The following ZNRF2 variants were observed in gnomAD, a reference collection of about 807,000 sequenced individuals.
The protein encoded by ZNRF2 is E3 ubiquitin-protein ligase ZNRF2.
Under a neutral mutation model 20.4 loss-of-function variants are expected in ZNRF2, and 16 were observed. That is an observed-to-expected ratio of 0.79 (90% CI 0.53 to 1.19). ZNRF2 has a LOEUF of 1.19. ZNRF2 is among the 50% of genes most tolerant of loss of function. ZNRF2 has a pLI of 0.00. For synonymous variants in ZNRF2, 178 were observed against 144.9 expected (o/e 1.23, Z -1.64); for missense variants, 363 against 332.4 (o/e 1.09, Z -0.72).
chr7:30,290,355 G>A (rs1798878595), intron 1 of ZNRF2, among the ~76,000 whole-genome samples: 1 of 152,186 alleles, frequency 6.6e-6, no homozygotes, highest in South Asian at 2.1e-4. Context: ...TGCAATTTCT[G>A]TGGGTCAAGA....
intron 1 of ZNRF2, among the ~76,000 whole-genome samples, chr7:30,302,277 T>C (rs930075860): frequency 1.3e-5 from 2 of 152,256 alleles, no homozygotes; most frequent in East Asian, 1.9e-4. Flanking sequence ...GTATTTTCGC[T>C]GGCTTAAAAT....
chr7:30,294,437 T>C (rs1411369710), intron 1 of ZNRF2, among the ~76,000 whole-genome samples: 1 of 152,210 alleles, frequency 6.6e-6, no homozygotes, highest in Non-Finnish European at 1.5e-5. Context: ...TGTGGCTTTA[T>C]TGTGGTGGTC....
chr7:30,324,937 A>G (rs777861879), intron 2 of ZNRF2, among the ~76,000 whole-genome samples: 10 of 152,196 alleles, frequency 6.6e-5, no homozygotes, highest in Non-Finnish European at 1.3e-4. Context: ...CCAAAACTCT[A>G]CCTATGCAGT....
chr7:30,289,647 T>C, intron 1 of ZNRF2: 1 of 357,220 alleles, frequency 2.8e-6, no homozygotes. Flanking sequence ...TTACATGTTT[T>C]GCTGTGTGTA....
chr7:30,329,355 C>A (rs934798471), intron 2 of ZNRF2, among the ~76,000 whole-genome samples: 1 of 152,048 alleles, frequency 6.6e-6, no homozygotes, highest in Non-Finnish European at 1.5e-5. Context: ...CTATAGTTGT[C>A]CTGTTGTGCT....
intron 2 of ZNRF2, among the ~76,000 whole-genome samples, chr7:30,326,105 A>G (rs1227359421): frequency 6.6e-6 from 1 of 152,156 alleles, no homozygotes; most frequent in Non-Finnish European, 1.5e-5. Flanking sequence ...TATATCTAGA[A>G]TACAGTCTTC....
At chr7:30,304,623 C>T (rs1562606852) in intron 1 of ZNRF2, among the ~76,000 whole-genome samples, 2 of 152,094 alleles carry the variant, frequency 1.3e-5, no homozygotes, top group Non-Finnish European at 2.9e-5. Flanking sequence ...ATAAAACTAC[C>T]GAAAAGTATG....
intron 1 of ZNRF2, among the ~76,000 whole-genome samples, chr7:30,302,156 T>A (rs1188305473): frequency 1.3e-5 from 2 of 152,210 alleles, no homozygotes; most frequent in Non-Finnish European, 2.9e-5. Flanking sequence ...CTCTTACTTT[T>A]TAAAAATTAC....
intron 2 of ZNRF2, among the ~76,000 whole-genome samples, chr7:30,345,167 G>A (rs1405791822): frequency 6.6e-6 from 1 of 151,900 alleles, no homozygotes; most frequent in Non-Finnish European, 1.5e-5. Context: ...CTACAGATAG[G>A]CATTACTGCA....
chr7:30,356,697 GTA>G (rs1314167776), intron 3 of ZNRF2, among the ~76,000 whole-genome samples: 80 of 128,448 alleles, frequency 6.2e-4, no homozygotes, highest in African/African-American at 2.2e-3. Context: ...ATATAACATT[GTA>G]TTTTTTTTTT....
At chr7:30,316,145 G>A (rs1019039428) in intron 1 of ZNRF2, among the ~76,000 whole-genome samples, 2 of 151,464 alleles carry the variant, frequency 1.3e-5, no homozygotes, top group African/African-American at 2.4e-5. Flanking sequence ...AAAATTAGCT[G>A]GGCTTGGTGG....
chr7:30,351,008 T>G (rs1320823157), intron 2 of ZNRF2, among the ~76,000 whole-genome samples: 3 of 150,726 alleles, frequency 2.0e-5, no homozygotes, highest in Non-Finnish European at 4.4e-5. Flanking sequence ...GGTTTTTTGT[T>G]TTTTTTTTTA....
chr7:30,331,449 G>A (rs1164224738), intron 2 of ZNRF2, among the ~76,000 whole-genome samples: 1 of 152,130 alleles, frequency 6.6e-6, no homozygotes, highest in Non-Finnish European at 1.5e-5. Flanking sequence ...TAGGTTAAGT[G>A]GCAGATTAGA....
At chr7:30,352,604 C>G (rs1158218385) in intron 2 of ZNRF2, among the ~76,000 whole-genome samples, 1 of 152,050 alleles carries the variant, frequency 6.6e-6, no homozygotes, top group Non-Finnish European at 1.5e-5. Context: ...TTGACAATCT[C>G]TTGTGTCTCC....
At chr7:30,304,164 TG>T (rs1485581732) in intron 1 of ZNRF2, among the ~76,000 whole-genome samples, 1 of 152,202 alleles carries the variant, frequency 6.6e-6, no homozygotes, top group Non-Finnish European at 1.5e-5. Context: ...TTTATCTCTC[TG>T]GGTTTCCAGT....
intron 3 of ZNRF2, among the ~76,000 whole-genome samples, chr7:30,361,938 TCA>T (rs1437912790): frequency 6.6e-6 from 1 of 152,196 alleles, no homozygotes; most frequent in Non-Finnish European, 1.5e-5. Context: ...TATTCAATAA[TCA>T]CATATAAATA....
chr7:30,341,293 G>T (rs1170109088), intron 2 of ZNRF2, among the ~76,000 whole-genome samples: 11 of 151,806 alleles, frequency 7.2e-5, no homozygotes, highest in Non-Finnish European at 2.9e-5. Flanking sequence ...GAATTTGTTT[G>T]CTCTTGTTTC....
chr7:30,342,479 A>G (rs1027922240), intron 2 of ZNRF2, among the ~76,000 whole-genome samples: 3 of 152,096 alleles, frequency 2.0e-5, no homozygotes, highest in Admixed American at 2.0e-4. Context: ...TTTCTCCTTC[A>G]TTTGTGAAGC....
intron 2 of ZNRF2, among the ~76,000 whole-genome samples, chr7:30,344,285 A>G (rs961100632): frequency 4.0e-5 from 6 of 151,484 alleles, no homozygotes; most frequent in African/African-American, 9.7e-5. Flanking sequence ...TTGATTAGAA[A>G]TAACTGTGGT....
Sources: allele counts gnomAD v4.1 joint callset (sites outside exome capture counted in the v4.1 genomes callset), GRCh38; gene constraint gnomAD v4.1.1; transcripts MANE v1.5; gene names NCBI Gene and HGNC (gene_info 2026-07-23, HGNC 2026-07-21).